TADA3: variants seen among roughly 807,000 people sequenced by gnomAD.
The protein encoded by TADA3 is transcriptional adaptor 3.
In TADA3, 25 loss-of-function variants were observed where a neutral mutation model predicts 43.2. That is an observed-to-expected ratio of 0.58 (90% CI 0.42 to 0.81). The LOEUF is 0.81. TADA3 is among the 30% of genes least tolerant of loss of function. TADA3 has a pLI of 0.00. For synonymous variants in TADA3, 235 were observed against 225.5 expected (o/e 1.04, Z -0.38); for missense variants, 441 against 567.8 (o/e 0.78, Z 2.27).
chr3:9,790,220 T>C (rs1378702092), intron 2 of TADA3, among the ~76,000 whole-genome samples: 6 of 152,232 alleles, frequency 3.9e-5, no homozygotes, highest in Non-Finnish European at 8.8e-5. Flanking sequence ...GTATCACCCA[T>C]GCCAGTCACA....
At chr3:9,790,627 TG>T (rs2078706348) in intron 2 of TADA3, among the ~76,000 whole-genome samples, 1 of 152,234 alleles carries the variant, frequency 6.6e-6, no homozygotes, top group Admixed American at 6.5e-5. Flanking sequence ...CTTTATGCAG[TG>T]AATAAAGTCA....
chr3:9,787,660 CACGGGTG>C, intron 4 of TADA3: 1 of 1,381,414 alleles, frequency 7.2e-7, no homozygotes, highest in Non-Finnish European at 9.5e-7. Context: ...GCCTTCAGGT[CACGGGTG>C]ACAGGGAATT....
chr3:9,790,365 G>A (rs1196563536), intron 2 of TADA3, among the ~76,000 whole-genome samples: 2 of 152,180 alleles, frequency 1.3e-5, no homozygotes. Context: ...CTCAAGGAGG[G>A]TCCATGGATT....
chr3:9,783,913 T>C (rs1171961520), intron 8 of TADA3, 115 bp downstream of exon 8: 3 of 1,411,040 alleles, frequency 2.1e-6, no homozygotes, highest in African/African-American at 2.9e-5. Context: ...GCTCTCCAGG[T>C]GATTTAGAGG....
Position 9,787,052 on chromosome 3 carries a change from C to A in TADA3, c.764G>T (p.Cys255Phe). 6.2e-7 allele frequency: 1 copy of A among 1,614,256 alleles called. No homozygotes were observed. The highest frequency in any genetic ancestry group is 8.5e-7 in the Non-Finnish European group (1 of 1,180,052). ...EAQHEQPEDG[C>F]PFGALTQRLL... ...GCGCTGCGTCAGGGCACCAAAGGGG[C>A]ATCCATCTTCCGGCTGTTCATGCTG... The change falls in exon 6 of 9, where the codon TGC becomes TTC. Residue 255 changes from cysteine (C) to phenylalanine (F), a missense_variant. Coordinates refer to ENST00000301964, the MANE Select transcript of TADA3 (RefSeq NM_006354.5).
rs2078583090 is a variant in TADA3, at chr3:9,785,368, A to C, written c.868T>G (p.Ser290Ala). 6.2e-7 allele frequency: 1 copy of C among 1,614,004 alleles called. No individual in the cohort carries two copies. Among genetic ancestry groups the C allele is most frequent in the South Asian group, 1.1e-5 (1 of 91,068 alleles). ...SPIPDMSGKE[S>A]GADGASTSPR... ...GAGGTGCTTGCCCCGTCAGCCCCTG[A>C]TTCTTTCCCAGACATGTCAGGAATA... is the stretch of plus-strand genomic sequence containing the variant. The change falls in exon 7 of 9, where the codon TCA becomes GCA. Residue 290 changes from serine to alanine, a missense_variant. Ser to Ala is a moderately conservative substitution (Grantham distance 99). Coordinates refer to ENST00000301964, the MANE Select transcript of TADA3 (RefSeq NM_006354.5).
chr3:9,781,546 C>T (rs915761244), intron 8 of TADA3: 3 of 456,514 alleles, frequency 6.6e-6, no homozygotes, highest in East Asian at 1.4e-4. Context: ...CTGCTTACGT[C>T]GGCATCTGCA....
chr3:9,785,929 CTTGTT>C (rs554682630), intron 6 of TADA3, among the ~76,000 whole-genome samples: 85 of 149,522 alleles, frequency 5.7e-4, no homozygotes, highest in Admixed American at 1.1e-3. Flanking sequence ...CACACTCCTC[CTTGTT>C]TTGTTTTGTT....
Position 9,791,462 on chromosome 3 carries a change from C to T in TADA3, c.5G>A (p.Ser2Asn). 5.0e-6 allele frequency: 8 copies of T among 1,609,240 alleles called. No homozygotes were observed. The highest frequency in any genetic ancestry group is 6.8e-6 in the Non-Finnish European group (8 of 1,176,638). ...CTGCAAGGGGCAGTCTTTCAACTCA[C>T]TCATGGCCCAGGATATGGGGATCCT... M[S>N]ELKDCPLQFH... The change falls in exon 2 of 9, where the codon AGT (serine) becomes AAT (asparagine). Residue 2 changes from serine to asparagine, a missense_variant. Coordinates refer to ENST00000301964, the MANE Select transcript of TADA3 (RefSeq NM_006354.5).
Position 9,784,062 on chromosome 3 carries a change from C to T in TADA3, c.1072G>A (p.Ala358Thr), listed in dbSNP as rs547844232. 4 of 1,614,046 alleles carry T rather than the reference C, an allele frequency of 2.5e-6. No individual in the cohort carries two copies. Among genetic ancestry groups the T allele is most frequent in the Non-Finnish European group, 3.4e-6 (4 of 1,180,022 alleles). The change falls in exon 8 of 9, where the codon GCC becomes ACC. Residue 358 changes from alanine (A) to threonine (T), a missense_variant. Physicochemically the swap from Ala to Thr is moderately conservative, Grantham distance 58. Coordinates refer to ENST00000301964, the MANE Select transcript of TADA3 (RefSeq NM_006354.5). ...KRQAELKALS[A>T]HNRTKKHDLL... ...TCGTGCTTCTTGGTGCGGTTGTGGG[C>T]ACTAAGTGCCTTCAGCTCAGCCTGC...
At chr3:9,787,497 C>T in intron 4 of TADA3, 157 bp from the exon 5 acceptor site, 1 of 1,130,298 alleles carries the variant, frequency 8.8e-7, no homozygotes, top group Non-Finnish European at 1.2e-6. Flanking sequence ...GAAGATAAAA[C>T]CTGTACTTCA....
chr3:9,784,635 T>C (rs1238777976), intron 7 of TADA3, among the ~76,000 whole-genome samples: 1 of 151,596 alleles, frequency 6.6e-6, no homozygotes. Context: ...AAGGCCGAGG[T>C]GGGAGGATCA....
chr3:9,781,744 T>C (rs1173211226), intron 8 of TADA3: 1 of 379,106 alleles, frequency 2.6e-6, no homozygotes, highest in Non-Finnish European at 5.4e-6. Flanking sequence ...CAGGGGCTGC[T>C]TAAGGCCTTG....
At chr3:9,781,520 G>T (rs1301693666) in intron 8 of TADA3, 2 of 456,504 alleles carry the variant, frequency 4.4e-6, no homozygotes, top group Non-Finnish European at 4.4e-6. Flanking sequence ...CAGGTGTTCC[G>T]GTGCCAGCAG....
intron 6 of TADA3, among the ~76,000 whole-genome samples, chr3:9,785,922 ACTC>A (rs1227178321): frequency 6.8e-6 from 1 of 146,368 alleles, no homozygotes; most frequent in Non-Finnish European, 1.5e-5. Context: ...TCCTTCACAC[ACTC>A]CTCCTTGTTT....
chr3:9,785,225 T>C, intron 7 of TADA3, 91 bp downstream of exon 7: 1 of 993,462 alleles, frequency 1.0e-6, no homozygotes, highest in Non-Finnish European at 1.5e-6. Flanking sequence ...GCCCCCAGCC[T>C]CTTACTGATG....
Position 9,789,581 on chromosome 3 carries a change from G to A in TADA3, c.492C>T (p.Asp164=), listed in dbSNP as rs1339798990. 1 of 1,614,188 alleles carries A rather than the reference G, an allele frequency of 6.2e-7. No homozygotes were observed. The highest frequency in any genetic ancestry group is 1.1e-5 in the South Asian group (1 of 91,086). The change falls in exon 4 of 9, where the codon GAC becomes GAT. Residue 164 remains aspartate, a synonymous_variant. Transcript: ENST00000301964. ...GTGTGCGGACCTCCTCGCTGGTGAT[G>A]TCAGCACAGTAGGGCTCCACTGAAG... The part of the protein sequence containing the change: ...FWASVEPYCA[D]ITSEEVRTLE...
At position 9,790,630 on chromosome 3, in the gene TADA3, A is replaced by G. The variant is rs538284483; in HGVS notation, c.207+630T>C. 3.9e-5 allele frequency among the ~76,000 whole-genome samples: 6 copies of G among 152,378 alleles called. No individual in the cohort carries two copies. In the East Asian group the frequency reaches 1.2e-3, roughly 29 times the overall value. On this transcript the variant is annotated intron_variant, in intron 2 of 8. Coordinates refer to ENST00000301964, the MANE Select transcript of TADA3 (RefSeq NM_006354.5). ...GGCTCAAGGCATCTTTATGCAGTGA[A>G]TAAAGTCATCAGAGTAGCAAATAAA...
At position 9,784,162 on chromosome 3, in the gene TADA3, G is replaced by A. The variant is rs1309639665; in HGVS notation, c.972C>T (p.Ala324=). 1.9e-6 allele frequency: 3 copies of A among 1,614,054 alleles called. No homozygotes were observed. Among genetic ancestry groups the A allele is most frequent in the Non-Finnish European group, 8.5e-7 (1 of 1,179,946 alleles). Residue 324 remains alanine, a synonymous_variant, in exon 8 of 9, where the codon GCC becomes GCT. Coordinates refer to ENST00000301964, the MANE Select transcript of TADA3 (RefSeq NM_006354.5). ...LESRIKEELI[A]QGLLESEDRP... Reference sequence around the variant, plus strand: ...GGTCCTCAGACTCCAAAAGGCCCTGGGCAATTAGCTCCTCCTTGATGCGGC... The same window carrying A: ...GGTCCTCAGACTCCAAAAGGCCCTGAGCAATTAGCTCCTCCTTGATGCGGC...
Sources: allele counts gnomAD v4.1 joint callset (sites outside exome capture counted in the v4.1 genomes callset), GRCh38; gene constraint gnomAD v4.1.1; transcripts MANE v1.5; gene names NCBI Gene and HGNC (gene_info 2026-07-23, HGNC 2026-07-21).